Variants in TMEM70 observed in about 807,000 individuals in gnomAD.
The protein encoded by TMEM70 is transmembrane protein 70, mitochondrial.
TMEM70 carries 15 observed loss-of-function variants against 20.5 expected under a neutral mutation model. That is an observed-to-expected ratio of 0.73 (90% CI 0.49 to 1.13). The LOEUF is 1.13. Ranked by LOEUF, TMEM70 falls within the 50% of genes most tolerant of loss-of-function variation. The pLI, the probability that TMEM70 is intolerant of heterozygous loss-of-function variation, is 0.00. For synonymous variants in TMEM70, 141 were observed against 134.2 expected, an observed-to-expected ratio of 1.05 and a Z score of -0.35; for missense variants, 344 against 331.7, an observed-to-expected ratio of 1.04 and a Z score of -0.29.
Position 73,981,532 on chromosome 8 carries a change from T to C in TMEM70, c.694T>C (p.Tyr232His). Residue 232 changes from tyrosine (Y) to histidine (H), a missense_variant, in exon 3 of 3, where the codon TAT becomes CAT. Physicochemically the swap from Tyr to His is moderately conservative, Grantham distance 83 (BLOSUM62 2). Transcript: ENST00000312184. ...AGTGCTCTTTCCAAACCGTGAAGAC[T>C]ATATCCATCTAATGGGTTATGACAA... is the stretch of plus-strand genomic sequence containing the variant. The part of the protein sequence containing the change: ...NPVLFPNRED[Y>H]IHLMGYDKEE... The C allele has an allele frequency of 6.2e-7, 1 of 1,613,846 alleles. No homozygotes were observed. The highest frequency in any genetic ancestry group is 1.3e-5 in the African/African-American group (1 of 75,036).
chr8:73,981,568 AT>A lies in TMEM70; in HGVS notation c.734del (p.Leu245CysfsTer21), dbSNP rs1815801669. On this transcript the variant is annotated frameshift_variant, in exon 3 of 3. Transcript: ENST00000312184. LOFTEE classifies it high-confidence loss of function. ...HLMGYDKEEF[I>X]LYMEETSEEK... Reference sequence around the variant, plus strand: ...AATGGGTTATGACAAAGAAGAATTTATTTTGTATATGGAAGAAACCAGTGAA... The same window carrying A: ...AATGGGTTATGACAAAGAAGAATTTATTTGTATATGGAAGAAACCAGTGAA... The A allele has an allele frequency of 6.2e-7, 1 of 1,613,378 alleles. No individual in the cohort carries two copies. Among genetic ancestry groups the A allele is most frequent in the Non-Finnish European group, 8.5e-7 (1 of 1,179,734 alleles).
chr8:73,980,753 A>C (rs1473490777), intron 2 of TMEM70, among the ~76,000 whole-genome samples: 1 of 152,184 alleles, frequency 6.6e-6, no homozygotes, highest in East Asian at 1.9e-4. Flanking sequence ...AGAATTTCCC[A>C]TGTTTGAATA....
In TMEM70 at chr8:73,981,598, A is replaced by T. The variant is rs1180944065; in HGVS notation, c.760A>T (p.Lys254Ter). The stretch of plus-strand genomic sequence containing the variant: ...GTATATGGAAGAAACCAGTGAAGAG[A>T]AACGGCATAAAGATGACAAATGAGC... ...ILYMEETSEE[K>*]RHKDDK is the part of the protein sequence containing the mutation. Residue 254 changes from lysine (K) to a stop codon, truncating the protein, a stop_gained, in exon 3 of 3, where the codon AAA becomes TAA. Transcript: ENST00000312184. LOFTEE classifies it high-confidence loss of function. 2 of 1,609,250 alleles carry T rather than the reference A, an allele frequency of 1.2e-6. No individual in the cohort carries two copies. The highest frequency in any genetic ancestry group is 8.5e-7 in the Non-Finnish European group (1 of 1,177,544).
chr8:73,978,525 A>G (rs1815708793), intron 1 of TMEM70, among the ~76,000 whole-genome samples: 1 of 151,614 alleles, frequency 6.6e-6, no homozygotes, highest in Admixed American at 6.6e-5. Flanking sequence ...CCCCGTCTCT[A>G]ATAAAAATAC....
At chr8:73,979,059 A>G in intron 2 of TMEM70, 198 bp downstream of exon 2, 1 of 702,822 alleles carries the variant, frequency 1.4e-6, no homozygotes, top group East Asian at 2.9e-5. Flanking sequence ...TTTGAGACAG[A>G]GTCTCACTCT....
At chr8:73,979,192 C>A in intron 2 of TMEM70, 1 of 402,970 alleles carries the variant, frequency 2.5e-6, no homozygotes, top group Non-Finnish European at 4.9e-6. Context: ...CCACACTTGG[C>A]CAATTTTTGT....
rs1458452849 is a variant in TMEM70, at chr8:73,982,569, A to G, written c.*948A>G. ...TTCACAAATTATGGGAGCAGTTTTA[A>G]GTCTTCTTTGGTTCAGAACACAGGT... is the stretch of plus-strand genomic sequence containing the variant. On this transcript the variant is annotated 3_prime_UTR_variant, in exon 3 of 3. Coordinates refer to ENST00000312184, the MANE Select transcript of TMEM70 (RefSeq NM_017866.6). 2.0e-6 allele frequency: 1 copy of G among 499,464 alleles called. No homozygotes were observed. Among genetic ancestry groups the G allele is most frequent in the Admixed American group, 2.2e-5 (1 of 44,484 alleles). The allele number at this position is 499,464 out of a possible 1,614,324, so 30.9% of individuals were successfully genotyped here. A position where few individuals can be genotyped will look rare whatever the true frequency, so the allele number is the denominator to read the frequency against.
At chr8:73,979,023 G>A in intron 2 of TMEM70, 162 bp downstream of exon 2, 1 of 861,776 alleles carries the variant, frequency 1.2e-6, no homozygotes, top group Non-Finnish European at 1.9e-6. Flanking sequence ...ATAAGATGTA[G>A]AGACCTTTGC....
In TMEM70 at chr8:73,978,758, C is replaced by T. The variant is rs756480039; in HGVS notation, c.213C>T (p.Ile71=). The part of the protein sequence containing the change: ...RLLRRPGRAQ[I]PVYWEGYVRF... ...CATAATGATCCCTGTTTCAATAGAT[C>T]CCTGTTTATTGGGAAGGATATGTTC... Residue 71 remains isoleucine, a splice_region_variant and synonymous_variant, in exon 2 of 3, where the codon ATC becomes ATT. Transcript: ENST00000312184. 8.1e-6 allele frequency: 13 copies of T among 1,613,486 alleles called. No individual in the cohort carries two copies. The East Asian group carries it at 2.7e-4, about 33-fold the overall frequency.
chr8:73,978,130 A>G (rs967141337), intron 1 of TMEM70, among the ~76,000 whole-genome samples: 6 of 151,970 alleles, frequency 3.9e-5, no homozygotes, highest in African/African-American at 9.7e-5. Flanking sequence ...TCTGTTGCCC[A>G]GGTTGGAGTA....
intron 1 of TMEM70, among the ~76,000 whole-genome samples, chr8:73,977,791 C>T (rs781360824): frequency 1.3e-5 from 2 of 152,134 alleles, no homozygotes; most frequent in Non-Finnish European, 2.9e-5. Flanking sequence ...TGTTCCATTA[C>T]ACCAGCTAAA....
Position 73,978,802 on chromosome 8 carries a change from C to T in TMEM70, c.257C>T (p.Ser86Phe). 1 of 1,614,036 alleles carries T rather than the reference C, an allele frequency of 6.2e-7. No homozygotes were observed. Among genetic ancestry groups the T allele is most frequent in the Non-Finnish European group, 8.5e-7 (1 of 1,179,916 alleles). ...EGYVRFLNTP[S>F]DKSEDGRLIY... ...TATGTTCGATTCTTAAATACGCCATCTGACAAATCAGAAGATGGAAGGCTA... is the reference window on the plus strand; with the variant it reads ...TATGTTCGATTCTTAAATACGCCATTTGACAAATCAGAAGATGGAAGGCTA... The change falls in exon 2 of 3, where the codon TCT becomes TTT. Residue 86 changes from serine (S) to phenylalanine (F), a missense_variant. Physicochemically the swap from Ser to Phe is radical, Grantham distance 155. Transcript: ENST00000312184.
chr8:73,981,884 ACT>A lies in TMEM70; in HGVS notation c.*266_*267del. The A allele has an allele frequency of 1.7e-6, 1 of 574,434 alleles. No individual in the cohort carries two copies. The highest frequency in any genetic ancestry group is 1.8e-5 in the African/African-American group (1 of 54,504). The allele number at this position is 574,434 out of a possible 1,614,324, so 35.6% of individuals were successfully genotyped here. ...TAAGAGTTCTGTGTTACTGTGGTTG[ACT>A]CTAAACTGGGGATCTGATGTCAGTA... On this transcript the variant is annotated 3_prime_UTR_variant, in exon 3 of 3. Coordinates refer to ENST00000312184, the MANE Select transcript of TMEM70 (RefSeq NM_017866.6).
chr8:73,979,019 T>C, intron 2 of TMEM70, 158 bp downstream of exon 2: 2 of 875,954 alleles, frequency 2.3e-6, no homozygotes, highest in South Asian at 1.5e-5. Context: ...GTTGATAAGA[T>C]GTAGAGACCT....
chr8:73,976,537 G>A, intron 1 of TMEM70, 46 bp downstream of exon 1: 1 of 1,466,832 alleles, frequency 6.8e-7, no homozygotes, highest in Non-Finnish European at 9.0e-7. Flanking sequence ...GGGGAGGGCG[G>A]GCGTCGTGTC....
At position 73,981,617 on chromosome 8, in the gene TMEM70, A is replaced by G; in HGVS notation, c.779A>G (p.Lys260Arg). ...GAAGAGAAACGGCATAAAGATGACA[A>G]ATGAGCCTATTTGTTAGTGTTCGTG... Reference protein sequence around the residue: ...TSEEKRHKDDK With the variant: ...TSEEKRHKDDR The change falls in exon 3 of 3, where the codon AAA (lysine) becomes AGA (arginine). Residue 260 changes from lysine to arginine, a missense_variant. Coordinates refer to ENST00000312184, the MANE Select transcript of TMEM70 (RefSeq NM_017866.6). 3.1e-6 allele frequency: 5 copies of G among 1,597,924 alleles called. No homozygotes were observed. The highest frequency in any genetic ancestry group is 4.3e-6 in the Non-Finnish European group (5 of 1,169,392).
At chr8:73,979,960 C>T (rs969131122) in intron 2 of TMEM70, among the ~76,000 whole-genome samples, 4 of 152,210 alleles carry the variant, frequency 2.6e-5, no homozygotes, top group African/African-American at 9.7e-5. Context: ...CTCAAGCAGT[C>T]CTTCTGCCTA....
In TMEM70 at chr8:73,982,198, C is replaced by A. The variant is rs771137774; in HGVS notation, c.*577C>A. 1.8e-6 allele frequency: 1 copy of A among 555,468 alleles called. No individual in the cohort carries two copies. The highest frequency in any genetic ancestry group is 1.9e-5 in the Admixed American group (1 of 52,840). The allele number at this position is 555,468 out of a possible 1,614,324, so 34.4% of individuals were successfully genotyped here. On this transcript the variant is annotated 3_prime_UTR_variant, in exon 3 of 3. Coordinates refer to ENST00000312184, the MANE Select transcript of TMEM70 (RefSeq NM_017866.6). ...ATTCACCGAATTCATATCACTCTAA[C>A]GAGTTGCAACGTAAAATCCCTGGAT...
Position 73,982,593 on chromosome 8 carries a change from G to GT in TMEM70, c.*977dup. ...AAGTCTTCTTTGGTTCAGAACACAG[G>GT]TTTTTGCCTAACCCCTGGCATGATT... On this transcript the variant is annotated 3_prime_UTR_variant, in exon 3 of 3. Transcript: ENST00000312184. The GT allele has an allele frequency of 2.1e-6, 1 of 486,088 alleles. No homozygotes were observed. Among genetic ancestry groups the GT allele is most frequent in the Non-Finnish European group, 4.0e-6 (1 of 247,126 alleles). The allele number at this position is 486,088 out of a possible 1,614,324, so 30.1% of individuals were successfully genotyped here.
Sources: gnomAD v4.1 joint callset for allele counts (sites outside exome capture counted in the v4.1 genomes callset) on GRCh38, gnomAD v4.1.1 for gene constraint, MANE v1.5 for transcripts, NCBI Gene and HGNC (gene_info 2026-07-23, HGNC 2026-07-21) for gene names.